The following CHKB variants were observed in gnomAD, a reference collection of about 807,000 sequenced individuals.
The protein encoded by CHKB is choline/ethanolamine kinase.
A neutral mutation model predicts 57.3 loss-of-function variants in CHKB; 45 were observed. The ratio of observed to expected loss-of-function variants is 0.79; its 90% CI spans 0.62 to 1.01. CHKB has a LOEUF of 1.01. Ranked by LOEUF, CHKB falls within the 50% of genes least tolerant of loss-of-function variation. The pLI is 0.00. For synonymous variants in CHKB, 224 were observed against 201.8 expected (o/e 1.11, Z -0.93); for missense variants, 517 against 502.8 (o/e 1.03, Z -0.27).
chr22:50,582,459 G>A, intron 1 of CHKB, 99 bp downstream of exon 1: 2 of 1,467,794 alleles, frequency 1.4e-6, no homozygotes, highest in East Asian at 2.9e-5. Flanking sequence ...CCAGGCGCGG[G>A]CGCAAGAGGG....
rs752796169 is a variant in CHKB at position 50,579,133 on chromosome 22, TC to T, written c.*47del. The T allele has an allele frequency of 6.4e-6, 10 of 1,560,684 alleles. No homozygotes were observed. The East Asian group carries it at 2.1e-4, about 32-fold the overall frequency. On this transcript the variant is annotated 3_prime_UTR_variant, in exon 11 of 11. Coordinates refer to ENST00000406938, the MANE Select transcript of CHKB (RefSeq NM_005198.5). ...CTGCTCGTTGTTCCTCCCTCCAAGG[TC>T]CTGCCCTGGAGGCTCCAGGAGAAAT...
chr22:50,582,633 T>A lies in CHKB; in HGVS notation c.149A>T (p.Tyr50Phe). ...GCCCAAGTACTCCCGGCACCATTGG[T>A]AGGCTCGGCGCTCGGCGTCACGCGA... is the stretch of plus-strand genomic sequence containing the variant. ...SLSRDAERRAYQWCREYLGGA... is the reference protein window; with the variant it reads ...SLSRDAERRAFQWCREYLGGA... The change falls in exon 1 of 11, where the codon TAC becomes TTC. Residue 50 changes from tyrosine (Y) to phenylalanine (F), a missense_variant. Transcript: ENST00000406938. The A allele has an allele frequency of 1.2e-6, 2 of 1,611,254 alleles. No homozygotes were observed. Among genetic ancestry groups the A allele is most frequent in the South Asian group, 1.1e-5 (1 of 90,990 alleles).
chr22:50,581,591 G>C (rs1288451181), intron 3 of CHKB, 38 bp from the exon 4 acceptor site: 1 of 1,613,606 alleles, frequency 6.2e-7, no homozygotes, highest in African/African-American at 1.3e-5. Context: ...GATGGGGCTG[G>C]GGCAGGAGTG....
chr22:50,580,025 T>A lies in CHKB; in HGVS notation c.876A>T (p.Glu292Asp). 1 of 1,614,118 alleles carries A rather than the reference T, an allele frequency of 6.2e-7. No homozygotes were observed. Among genetic ancestry groups the A allele is most frequent in the Non-Finnish European group, 8.5e-7 (1 of 1,180,026 alleles). The stretch of plus-strand genomic sequence containing the variant: ...TGGGCCTTGCTTTGTAGAAAGGCCA[T>A]TCCTCGTGAGTATAATCATAAACCC... ...CEWVYDYTHE[E>D]WPFYKARPTD... The change falls in exon 8 of 11, where the codon GAA becomes GAT. Residue 292 changes from glutamate (E) to aspartate (D), a missense_variant. Transcript: ENST00000406938.
At position 50,580,824 on chromosome 22, in the gene CHKB, G is replaced by T; in HGVS notation, c.582-164C>A. 1.4e-5 allele frequency: 10 copies of T among 699,774 alleles called. 2 individuals are homozygous for T. In the South Asian group the frequency reaches 1.6e-4, roughly 11 times the overall value. The allele number at this position is 699,774 out of a possible 1,614,324, so 43.3% of individuals were successfully genotyped here. Reference sequence around the variant, plus strand: ...AAATGGAGTCTTGCTCTGTCACCCAGGCTGGAGTGCAGTGGCGCGATCTTG... The same window carrying T: ...AAATGGAGTCTTGCTCTGTCACCCATGCTGGAGTGCAGTGGCGCGATCTTG... On this transcript the variant is annotated intron_variant, in intron 4 of 10. Coordinates refer to ENST00000406938, the MANE Select transcript of CHKB (RefSeq NM_005198.5).
chr22:50,580,443 T>C, intron 5 of CHKB, 27 bp from the exon 6 acceptor site: 2 of 1,613,684 alleles, frequency 1.2e-6, no homozygotes, highest in African/African-American at 1.3e-5. Flanking sequence ...GCATGGGTCC[T>C]GAGCAGGAGT....
chr22:50,579,583 C>T, intron 9 of CHKB, 76 bp from the exon 10 acceptor site: 1 of 1,555,958 alleles, frequency 6.4e-7, no homozygotes, highest in Non-Finnish European at 8.8e-7. Flanking sequence ...CCCAGGTTGG[C>T]CAATCCCTAC....
Position 50,581,865 on chromosome 22 carries a change from G to T in CHKB, c.334-3C>A. The T allele has an allele frequency of 6.2e-7, 1 of 1,613,522 alleles. No individual in the cohort carries two copies. The highest frequency in any genetic ancestry group is 1.1e-5 in the South Asian group (1 of 91,082). On this transcript the variant is annotated splice_polypyrimidine_tract_variant and splice_region_variant and intron_variant, in intron 2 of 10. Transcript: ENST00000406938. ...TCTAGCACCAGGGAGTCCACGCCCTGAAAAAGGATGGACAGCAAAGGGGCC... is the reference window on the plus strand; with the variant it reads ...TCTAGCACCAGGGAGTCCACGCCCTTAAAAAGGATGGACAGCAAAGGGGCC...
At position 50,579,841 on chromosome 22, in the gene CHKB, T is replaced by C. The variant is rs771040904; in HGVS notation, c.928-11A>G. 10 of 1,611,768 alleles carry C rather than the reference T, an allele frequency of 6.2e-6. No individual in the cohort carries two copies. In the Admixed American group the frequency reaches 1.0e-4, roughly 16 times the overall value. On this transcript the variant is annotated splice_polypyrimidine_tract_variant and intron_variant, in intron 8 of 10. Transcript: ENST00000406938. ...ACGAATAAAATGCAACTACGATCAA[T>C]GGCCAAGAGTCAGGAATTGGGGAGA...
Position 50,582,562 on chromosome 22 carries a change from C to T in CHKB, c.220G>A (p.Val74Met), listed in dbSNP as rs758217425. The T allele has an allele frequency of 1.2e-5, 19 of 1,607,278 alleles. 1 individual carries two copies. The South Asian group carries it at 2.0e-4, about 17-fold the overall frequency. ...GGCTGACCCCTGACCTCCCACCTCA[C>T]GGGGTAAACCCTCAGCTCCTCGGGC... ...VQPEELRVYP[V>M]SGGLSNLLFR... is the part of the protein sequence containing the mutation. The change falls in exon 1 of 11, where the codon GTG (valine) becomes ATG (methionine). Residue 74 changes from valine to methionine, a missense_variant. Transcript: ENST00000406938.
chr22:50,581,349 C>T, intron 4 of CHKB, 71 bp downstream of exon 4: 1 of 1,590,246 alleles, frequency 6.3e-7, no homozygotes, highest in Non-Finnish European at 8.6e-7. Context: ...CTGGATAGAG[C>T]CCCCGACACA....
At position 50,582,760 on chromosome 22, in the gene CHKB, C is replaced by T; in HGVS notation, c.22G>A (p.Val8Met). 6.3e-7 allele frequency: 1 copy of T among 1,585,462 alleles called. No individual in the cohort carries two copies. The highest frequency in any genetic ancestry group is 1.1e-5 in the South Asian group (1 of 88,020). ...CCGCCAACAGCCCCGCTTCCGGCCA[C>T]AGCTGTCGCCTCGGCCGCCATGGCG... is the stretch of plus-strand genomic sequence containing the variant. MAAEATA[V>M]AGSGAVGGCL... Residue 8 changes from valine (V) to methionine (M), a missense_variant, in exon 1 of 11, where the codon GTG becomes ATG. Physicochemically the swap from Val to Met is conservative, Grantham distance 21. Coordinates refer to ENST00000406938, the MANE Select transcript of CHKB (RefSeq NM_005198.5).
rs1446164666 is a variant in CHKB at position 50,579,232 on chromosome 22, C to T, written c.1137G>A (p.Gln379=). Residue 379 remains glutamine (Q), a synonymous_variant, in exon 11 of 11, where the codon CAG becomes CAA. Coordinates refer to ENST00000406938, the MANE Select transcript of CHKB (RefSeq NM_005198.5). The stretch of plus-strand genomic sequence containing the variant: ...GCTGCCCCTTCTGCTGGAAGTAGAA[C>T]TGGAACCGAGACTGGGCATAGTCCT... ...GYLDYAQSRF[Q]FYFQQKGQLT... is the part of the protein sequence containing the mutation. 6.2e-7 allele frequency: 1 copy of T among 1,613,884 alleles called. No individual in the cohort carries two copies. The highest frequency in any genetic ancestry group is 2.2e-5 in the East Asian group (1 of 44,870).
chr22:50,582,500 C>CGCGGCTG, intron 1 of CHKB, 58 bp downstream of exon 1: 1 of 1,539,904 alleles, frequency 6.5e-7, no homozygotes, highest in South Asian at 1.2e-5. Context: ...CTGAGGGCCC[C>CGCGGCTG]GCGGCTGACC....
chr22:50,581,351 C>A, intron 4 of CHKB, 69 bp downstream of exon 4: 4 of 1,594,682 alleles, frequency 2.5e-6, no homozygotes, highest in Non-Finnish European at 3.4e-6. Flanking sequence ...GGATAGAGCC[C>A]CCGACACATC....
chr22:50,579,363 A>G (rs2070620847), intron 10 of CHKB, 63 bp downstream of exon 10: 1 of 1,586,660 alleles, frequency 6.3e-7, no homozygotes, highest in Middle Eastern at 1.7e-4. Flanking sequence ...GCCTCCTGGA[A>G]GAGTGTGGCT....
At position 50,581,797 on chromosome 22, in the gene CHKB, G is replaced by A; in HGVS notation, c.399C>T (p.Pro133=). The change falls in exon 3 of 11, where the codon CCC becomes CCT. Residue 133 remains proline, a synonymous_variant. Transcript: ENST00000406938. ...CCTCTGGGAAGACTCCGTACAGCTGGGGCCCCAGCGACCGCTCCGCAAGTA... is the reference window on the plus strand; with the variant it reads ...CCTCTGGGAAGACTCCGTACAGCTGAGGCCCCAGCGACCGCTCCGCAAGTA... ...FAILAERSLG[P]QLYGVFPEGR... is the part of the protein sequence containing the mutation. 2 of 1,613,858 alleles carry A rather than the reference G, an allele frequency of 1.2e-6. No homozygotes were observed. The highest frequency in any genetic ancestry group is 1.7e-6 in the Non-Finnish European group (2 of 1,179,992).
Position 50,582,285 on chromosome 22 carries a change from C to T in CHKB, c.297G>A (p.Arg99=). The change falls in exon 2 of 11, where the codon CGG becomes CGA. Residue 99 remains arginine (R), a synonymous_variant. Coordinates refer to ENST00000406938, the MANE Select transcript of CHKB (RefSeq NM_005198.5). ...DHLPSVGEEP[R]EVLLRLYGAI... ...CTCCGTACAGCCGCAGAAGCACCTC[C>T]CGGGGCTCCTCGCCAACGCTGGGCA... The T allele has an allele frequency of 6.3e-7, 1 of 1,594,896 alleles. No homozygotes were observed.
In CHKB at chr22:50,580,645, G is replaced by C; in HGVS notation, c.597C>G (p.Ile199Met). 1 of 1,614,058 alleles carries C rather than the reference G, an allele frequency of 6.2e-7. No individual in the cohort carries two copies. The highest frequency in any genetic ancestry group is 2.2e-5 in the East Asian group (1 of 44,886). ...GGAGGCCAGTTGGGGGCAGGTCCTG[G>C]ATCTGTTTTAGGTACCTGAAGCCCA... ...FGTMERYLKQ[I>M]QDLPPTGLPE... Residue 199 changes from isoleucine (I) to methionine (M), a missense_variant, in exon 5 of 11, where the codon ATC becomes ATG. Physicochemically the swap from Ile to Met is conservative, Grantham distance 10. Coordinates refer to ENST00000406938, the MANE Select transcript of CHKB (RefSeq NM_005198.5).
Sources: gnomAD v4.1 joint callset for allele counts on GRCh38, gnomAD v4.1.1 for gene constraint, MANE v1.5 for transcripts, NCBI Gene and HGNC (gene_info 2026-07-23, HGNC 2026-07-21) for gene names.